The following CSRNP3 variants were observed in gnomAD, a reference collection of about 807,000 sequenced individuals.
CSRNP3 encodes cysteine and serine rich nuclear protein 3, also known as cysteine/serine-rich nuclear protein 3.
Under a neutral mutation model 48.0 loss-of-function variants are expected in CSRNP3, and 12 were observed. The observed-to-expected ratio is 0.25, with a 90% confidence interval of 0.16 to 0.41. The LOEUF is 0.41. Ranked by LOEUF, CSRNP3 falls within the 10% of genes least tolerant of loss-of-function variation. The probability of loss-of-function intolerance (pLI) is 1.00; values close to 1 mark genes in which losing one functional copy is unlikely to be tolerated. For synonymous variants in CSRNP3, 263 were observed against 269.7 expected, an observed-to-expected ratio of 0.98 and a Z score of 0.24; for missense variants, 580 against 724.4, an observed-to-expected ratio of 0.80 and a Z score of 2.29.
At chr2:165,507,205 A>G (rs1209012386) in intron 2 of CSRNP3, among the ~76,000 whole-genome samples, 1 of 152,154 alleles carries the variant, frequency 6.6e-6, no homozygotes, top group Non-Finnish European at 1.5e-5. Flanking sequence ...GTCCCATGAT[A>G]TAAAAATAAG....
At chr2:165,552,834 A>ACAGGTGTGTGCCACCATGCCCGG (rs1165954894) in intron 3 of CSRNP3, among the ~76,000 whole-genome samples, 3 of 151,988 alleles carry the variant, frequency 2.0e-5, no homozygotes, top group Non-Finnish European at 2.9e-5. Flanking sequence ...AGCTGGGACT[A>ACAGGTGTGTGCCACCATGCCCGG]CAGGTGTGTG....
chr2:165,635,944 C>G (rs1686620351), intron 4 of CSRNP3, among the ~76,000 whole-genome samples: 1 of 152,124 alleles, frequency 6.6e-6, no homozygotes, highest in Non-Finnish European at 1.5e-5. Flanking sequence ...ATTGTAGAGT[C>G]AACTCCCACC....
At chr2:165,498,684 CA>C (rs1167790282) in intron 2 of CSRNP3, among the ~76,000 whole-genome samples, 1 of 152,100 alleles carries the variant, frequency 6.6e-6, no homozygotes, top group Non-Finnish European at 1.5e-5. Context: ...AGAAAAACAA[CA>C]ATCACTGTGG....
At chr2:165,618,631 A>G (rs1686290123) in intron 4 of CSRNP3, among the ~76,000 whole-genome samples, 1 of 152,236 alleles carries the variant, frequency 6.6e-6, no homozygotes, top group Non-Finnish European at 1.5e-5. Flanking sequence ...CTATGTAGCC[A>G]GCATTAGGAA....
intron 3 of CSRNP3, among the ~76,000 whole-genome samples, chr2:165,578,002 T>G (rs751176064): frequency 3.9e-5 from 6 of 152,068 alleles, no homozygotes; most frequent in Admixed American, 3.3e-4. Flanking sequence ...AAATGAAAAT[T>G]TTCTTTTGTT....
At chr2:165,473,842 A>C (rs1178743663) in intron 1 of CSRNP3, among the ~76,000 whole-genome samples, 1 of 152,176 alleles carries the variant, frequency 6.6e-6, no homozygotes, top group Non-Finnish European at 1.5e-5. Flanking sequence ...ATGCCCTGAG[A>C]AAACACTCAA....
intron 5 of CSRNP3, among the ~76,000 whole-genome samples, chr2:165,672,531 C>T (rs1687348107): frequency 6.6e-6 from 1 of 152,084 alleles, no homozygotes; most frequent in African/African-American, 2.4e-5. Flanking sequence ...CCCCATGATT[C>T]AATTATTTCC....
At chr2:165,504,153 T>G (rs2105221302) in intron 2 of CSRNP3, among the ~76,000 whole-genome samples, 1 of 152,192 alleles carries the variant, frequency 6.6e-6, no homozygotes, top group Non-Finnish European at 1.5e-5. Context: ...TTAAAAATGT[T>G]CAAGATTATC....
intron 5 of CSRNP3, among the ~76,000 whole-genome samples, chr2:165,670,858 A>G (rs1260362834): frequency 6.6e-6 from 1 of 151,382 alleles, no homozygotes; most frequent in Non-Finnish European, 1.5e-5. Flanking sequence ...CATTTTTTGC[A>G]GACTTGCTTT....
intron 3 of CSRNP3, among the ~76,000 whole-genome samples, chr2:165,581,472 T>G (rs1685544644): frequency 6.6e-6 from 1 of 152,146 alleles, no homozygotes; most frequent in African/African-American, 2.4e-5. Flanking sequence ...TCATTTATTC[T>G]CAGATAGTGG....
At chr2:165,645,918 G>GT (rs1036685830) in intron 4 of CSRNP3, among the ~76,000 whole-genome samples, 7 of 148,750 alleles carry the variant, frequency 4.7e-5, no homozygotes, top group East Asian at 1.9e-4. Flanking sequence ...GTTTTGTTTT[G>GT]TTTTTTTGGA....
chr2:165,480,994 G>GA (rs907244627), intron 1 of CSRNP3, among the ~76,000 whole-genome samples: 2 of 150,200 alleles, frequency 1.3e-5, no homozygotes, highest in Non-Finnish European at 3.0e-5. Flanking sequence ...ATAAAAATAT[G>GA]AAAAAAAATT....
chr2:165,669,308 G>A (rs202088938), intron 5 of CSRNP3, among the ~76,000 whole-genome samples: 1 of 151,840 alleles, frequency 6.6e-6, no homozygotes, highest in Non-Finnish European at 1.5e-5. Context: ...ATTTTGTTTT[G>A]CCCTGGCATT....
chr2:165,562,630 G>A (rs1685248401), intron 3 of CSRNP3, among the ~76,000 whole-genome samples: 2 of 152,168 alleles, frequency 1.3e-5, no homozygotes, highest in Non-Finnish European at 2.9e-5. Context: ...CTCAAAGCTT[G>A]TGTCCACTTT....
intron 4 of CSRNP3, among the ~76,000 whole-genome samples, chr2:165,645,480 A>G (rs911895905): frequency 4.6e-5 from 7 of 152,234 alleles, no homozygotes; most frequent in African/African-American, 1.4e-4. Context: ...AAATTTTGGA[A>G]GAACACAAAC....
At chr2:165,570,441 C>A (rs1403367202) in intron 3 of CSRNP3, among the ~76,000 whole-genome samples, 1 of 151,944 alleles carries the variant, frequency 6.6e-6, no homozygotes, top group Non-Finnish European at 1.5e-5. Flanking sequence ...TATATACACA[C>A]AAATTTCACA....
At chr2:165,656,111 G>A (rs1686999943) in intron 4 of CSRNP3, among the ~76,000 whole-genome samples, 1 of 152,190 alleles carries the variant, frequency 6.6e-6, no homozygotes, top group Non-Finnish European at 1.5e-5. Flanking sequence ...TCAACTAAGT[G>A]TGTCCTTCCT....
chr2:165,614,069 C>CTTTCATCAGACATTTTTCAATGTCT (rs1305239569), intron 4 of CSRNP3, among the ~76,000 whole-genome samples: 1 of 152,056 alleles, frequency 6.6e-6, no homozygotes, highest in African/African-American at 2.4e-5. Flanking sequence ...TCTTCAATGT[C>CTTTCATCAGACATTTTTCAATGTCT]TTTCATCAGA....
At position 165,687,139 on chromosome 2, in the gene CSRNP3, G is replaced by C. The variant is rs1323830723; in HGVS notation, c.*7386G>C. The C allele has an allele frequency of 6.6e-6, 1 of 152,064 alleles. No homozygotes were observed. The highest frequency in any genetic ancestry group is 1.5e-5 in the Non-Finnish European group (1 of 67,982). 9.4% of individuals were successfully genotyped at this position (152,064 alleles called of 1,614,324 possible). ...TGTGGTGATTTGGGCCATTGTACTA[G>C]GGGATTCAAGGGAAGTTGGGTTTCC... On this transcript the variant is annotated 3_prime_UTR_variant, in exon 7 of 7. Coordinates refer to ENST00000651982, the MANE Select transcript of CSRNP3 (RefSeq NM_001172173.2).
Sources: allele counts gnomAD v4.1 joint callset (sites outside exome capture counted in the v4.1 genomes callset), GRCh38; gene constraint gnomAD v4.1.1; transcripts MANE v1.5; gene names NCBI Gene and HGNC (gene_info 2026-07-23, HGNC 2026-07-21).